The following DCHS2 variants were observed in gnomAD, a reference collection of about 807,000 sequenced individuals.
The protein encoded by DCHS2 is dachsous cadherin-related 2, also known as protocadherin-23.
A neutral mutation model predicts 182.4 loss-of-function variants in DCHS2; 142 were observed. The ratio of observed to expected loss-of-function variants is 0.78; its 90% confidence interval spans 0.68 to 0.89. DCHS2 has a LOEUF of 0.89. DCHS2 is among the 40% of genes least tolerant of loss of function. The probability of loss-of-function intolerance (pLI) is 0.00; values close to 1 mark genes in which losing one functional copy is unlikely to be tolerated. For synonymous variants in DCHS2, 1,740 were observed against 1,663.3 expected, an observed-to-expected ratio of 1.05 and a Z score of -1.12; for missense variants, 4,319 against 4,198.6, an observed-to-expected ratio of 1.03 and a Z score of -0.79.
intron 1 of DCHS2, among the ~76,000 whole-genome samples, chr4:154,393,350 A>G (rs904975481): frequency 5.3e-5 from 8 of 152,312 alleles, no homozygotes; most frequent in Admixed American, 3.9e-4. Flanking sequence ...TTCCAAGTCA[A>G]TGATTGGGCT....
rs777859939 is a variant in DCHS2 at position 154,234,358 on chromosome 4, T to TTTCA, written c.*174_*177dup. The TTTCA allele has an allele frequency of 1.5e-5, 13 of 868,932 alleles. No individual in the cohort carries two copies. Among genetic ancestry groups the TTTCA allele is most frequent in the Non-Finnish European group, 2.2e-5 (13 of 597,138 alleles). 53.8% of individuals were successfully genotyped at this position (868,932 alleles called of 1,614,324 possible). On this transcript the variant is annotated 3_prime_UTR_variant, in exon 20 of 20. Transcript: ENST00000357232. ...ATAAGGATTAAAAGAGGAAATAACT[T>TTTCA]TTCATTAAGGCTGGAAGAAATTGGA...
intron 1 of DCHS2, chr4:154,391,215 G>A: frequency 1.2e-6 from 2 of 1,613,632 alleles, no homozygotes; most frequent in Non-Finnish European, 1.7e-6. Flanking sequence ...ATATACACAG[G>A]CATCAGTACT....
intron 1 of DCHS2, among the ~76,000 whole-genome samples, chr4:154,389,462 C>A (rs1731570553): frequency 6.9e-6 from 1 of 145,918 alleles, no homozygotes; most frequent in Non-Finnish European, 1.5e-5. Context: ...GTCTCACAGA[C>A]AGGTTTACTA....
At position 154,483,786 on chromosome 4, in the gene DCHS2, C is replaced by A. The variant is rs112857646; in HGVS notation, c.2052+5518G>T. ...ATACAAGCACATAGCATTATCATCA[C>A]AGAGACCTGCCCCCCAACATCATAT... On this transcript the variant is annotated intron_variant, in intron 1 of 19. Transcript: ENST00000357232. Among the ~76,000 whole-genome samples the A allele has an allele frequency of 3.3e-5, 5 of 152,214 alleles. 1 individual carries two copies. Among genetic ancestry groups the A allele is most frequent in the African/African-American group, 1.2e-4 (5 of 41,500 alleles).
In DCHS2 at chr4:154,490,140, C is replaced by T. The variant is rs1728748404; in HGVS notation, c.1216G>A (p.Val406Met). ...TVRVSIAVLD[V>M]NDNRPAIHVL... ...TGAATTGCTGGCCGGTTGTCATTCA[C>T]GTCCAGCACGGCGATGGACACGCGC... is the stretch of plus-strand genomic sequence containing the variant. The change falls in exon 1 of 20, where the codon GTG becomes ATG. Residue 406 changes from valine to methionine, a missense_variant. Val to Met is a conservative substitution (Grantham distance 21). Coordinates refer to ENST00000357232, the MANE Select transcript of DCHS2 (RefSeq NM_001358235.2). The T allele has an allele frequency of 1.3e-6, 2 of 1,548,240 alleles. No homozygotes were observed. Among genetic ancestry groups the T allele is most frequent in the East Asian group, 2.4e-5 (1 of 40,830 alleles).
Position 154,298,329 on chromosome 4 carries a change from G to T in DCHS2, c.5985C>A (p.Leu1995=). 1 of 1,614,160 alleles carries T rather than the reference G, an allele frequency of 6.2e-7. No homozygotes were observed. Among genetic ancestry groups the T allele is most frequent in the Non-Finnish European group, 8.5e-7 (1 of 1,180,020 alleles). Reference sequence around the variant, plus strand: ...TATGCTGAGATCTGGCTTCACGGTCGAGGGTGTTGCTGGTTTTCAATGTGC... The same window carrying T: ...TATGCTGAGATCTGGCTTCACGGTCTAGGGTGTTGCTGGTTTTCAATGTGC... ...MSGTLKTSNT[L]DREARSQHTF... Residue 1995 remains leucine, a synonymous_variant, in exon 13 of 20, where the codon CTC becomes CTA. Coordinates refer to ENST00000357232, the MANE Select transcript of DCHS2 (RefSeq NM_001358235.2).
intron 1 of DCHS2, among the ~76,000 whole-genome samples, chr4:154,386,644 C>G (rs1334461505): frequency 1.3e-5 from 2 of 152,186 alleles, no homozygotes; most frequent in Non-Finnish European, 2.9e-5. Flanking sequence ...CGCCCCACCC[C>G]TAACCACCCC....
At chr4:154,329,754 G>A (rs1417601854) in intron 5 of DCHS2, 44 bp from the exon 6 acceptor site, 3 of 1,537,064 alleles carry the variant, frequency 2.0e-6, no homozygotes, top group Non-Finnish European at 1.8e-6. Context: ...CTGTGTACCA[G>A]GCGCACCAGG....
At position 154,483,625 on chromosome 4, in the gene DCHS2, G is replaced by T. The variant is rs187014047; in HGVS notation, c.2052+5679C>A. Among the ~76,000 whole-genome samples, 1,290 of 152,288 alleles carry T rather than the reference G, an allele frequency of 8.5e-3. 10 individuals carry two copies. Among genetic ancestry groups the T allele is most frequent in the African/African-American group, 0.016 (681 of 41,544 alleles). On this transcript the variant is annotated intron_variant, in intron 1 of 19. Transcript: ENST00000357232. Reference sequence around the variant, plus strand: ...GAAGAAGAGGAGAGAGAAACAGGCAGATTCAAATAACGAGTGCCTTAATGC... The same window carrying T: ...GAAGAAGAGGAGAGAGAAACAGGCATATTCAAATAACGAGTGCCTTAATGC...
At chr4:154,400,586 T>C (rs1375235169) in intron 1 of DCHS2, among the ~76,000 whole-genome samples, 1 of 152,208 alleles carries the variant, frequency 6.6e-6, no homozygotes, top group Non-Finnish European at 1.5e-5. Flanking sequence ...AATAGGAACC[T>C]ACTCTGAACA....
At chr4:154,362,781 T>C (rs1730185461) in intron 3 of DCHS2, among the ~76,000 whole-genome samples, 1 of 152,166 alleles carries the variant, frequency 6.6e-6, no homozygotes, top group African/African-American at 2.4e-5. Context: ...ATGAAGATGA[T>C]GAGGATGAAG....
chr4:154,485,666 A>G (rs1171786872), intron 1 of DCHS2, among the ~76,000 whole-genome samples: 1 of 152,232 alleles, frequency 6.6e-6, no homozygotes, highest in Non-Finnish European at 1.5e-5. Context: ...AATTCAATCA[A>G]TGTTATTGAA....
intron 14 of DCHS2, chr4:154,262,168 A>G (rs1288091696): frequency 6.6e-6 from 1 of 152,246 alleles, no homozygotes; most frequent in Non-Finnish European, 1.5e-5. Context: ...ATTTTTAATA[A>G]AAGGCTTGTG....
At chr4:154,312,502 T>C (rs905084593) in intron 10 of DCHS2, among the ~76,000 whole-genome samples, 2 of 152,224 alleles carry the variant, frequency 1.3e-5, no homozygotes, top group Admixed American at 6.5e-5. Context: ...TGAGCCATGA[T>C]TGGGCCACTG....
rs1240144202 is a variant in DCHS2, at chr4:154,408,759, C to T, written c.2053-31315G>A. On this transcript the variant is annotated intron_variant, in intron 1 of 19. Coordinates refer to ENST00000357232, the MANE Select transcript of DCHS2 (RefSeq NM_001358235.2). Reference sequence around the variant, plus strand: ...AAGAGAAGAAAACATCTGGCCTCCACCACCCCATCACCCAGTTGGGATCAG... The same window carrying T: ...AAGAGAAGAAAACATCTGGCCTCCATCACCCCATCACCCAGTTGGGATCAG... Among the ~76,000 whole-genome samples, 8 of 152,150 alleles carry T rather than the reference C, an allele frequency of 5.3e-5. No individual in the cohort carries two copies. The South Asian group carries it at 1.7e-3, about 32-fold the overall frequency.
chr4:154,460,237 GC>G (rs1734955718), intron 1 of DCHS2, among the ~76,000 whole-genome samples: 1 of 152,220 alleles, frequency 6.6e-6, no homozygotes, highest in Admixed American at 6.5e-5. Flanking sequence ...CTATGTAAAT[GC>G]TAAGTGTTAT....
chr4:154,428,884 T>C (rs1160503611), intron 1 of DCHS2, among the ~76,000 whole-genome samples: 1 of 151,394 alleles, frequency 6.6e-6, no homozygotes, highest in Admixed American at 6.6e-5. Context: ...GCCTGGGCCC[T>C]GGGTGACAGA....
At chr4:154,463,690 TTTTCTC>T (rs953691423) in intron 1 of DCHS2, among the ~76,000 whole-genome samples, 8 of 79,440 alleles carry the variant, frequency 1.0e-4, no homozygotes, top group Non-Finnish European at 1.4e-4. Flanking sequence ...CTATTCTCTC[TTTTCTC>T]TCTCTCTCTC....
chr4:154,352,084 CAG>C (rs1729646460), intron 3 of DCHS2, among the ~76,000 whole-genome samples: 1 of 152,130 alleles, frequency 6.6e-6, no homozygotes, highest in Non-Finnish European at 1.5e-5. Flanking sequence ...CATACACACA[CAG>C]AGAGACTTGC....
Sources: gnomAD v4.1 joint callset for allele counts (sites outside exome capture counted in the v4.1 genomes callset) on GRCh38, gnomAD v4.1.1 for gene constraint, MANE v1.5 for transcripts, NCBI Gene and HGNC (gene_info 2026-07-23, HGNC 2026-07-21) for gene names.